Variants in BICD1 observed in about 807,000 individuals in gnomAD.
BICD1 encodes BICD cargo adaptor 1.
BICD1 carries 35 observed loss-of-function variants against 92.5 expected under a neutral mutation model. That is an observed-to-expected ratio of 0.38 (90% CI 0.29 to 0.50). BICD1 has a LOEUF of 0.50. Ranked by LOEUF, BICD1 falls within the 20% of genes least tolerant of loss-of-function variation. BICD1 has a pLI of 0.93. For missense variants in BICD1, 950 were observed against 1,189.8 expected, an observed-to-expected ratio of 0.80 and a Z score of 2.97; for synonymous variants, 429 against 465.1, an observed-to-expected ratio of 0.92 and a Z score of 1.00.
At chr12:32,201,783 T>A (rs562839106) in intron 1 of BICD1, among the ~76,000 whole-genome samples, 34 of 146,218 alleles carry the variant, frequency 2.3e-4, no homozygotes, top group Admixed American at 1.1e-3. Context: ...CGTGTTTGTT[T>A]AAAAAAAAAA....
chr12:32,178,659 A>G (rs759290540), intron 1 of BICD1, among the ~76,000 whole-genome samples: 20 of 152,054 alleles, frequency 1.3e-4, no homozygotes, highest in Non-Finnish European at 2.1e-4. Flanking sequence ...AGTTGGAGCC[A>G]CTGCTCCGGG....
At chr12:32,362,278 T>C (rs1362166776) in intron 8 of BICD1, among the ~76,000 whole-genome samples, 1 of 152,202 alleles carries the variant, frequency 6.6e-6, no homozygotes, top group East Asian at 1.9e-4. Context: ...GAGAATTGCT[T>C]GAACCCGCGA....
chr12:32,294,775 G>A (rs1022332153), intron 3 of BICD1, among the ~76,000 whole-genome samples: 1 of 151,778 alleles, frequency 6.6e-6, no homozygotes, highest in East Asian at 1.9e-4. Flanking sequence ...TATAAATCAA[G>A]AAGAGCAAAA....
chr12:32,117,758 A>ATATTT (rs1491222610), intron 1 of BICD1, among the ~76,000 whole-genome samples: 4 of 107,912 alleles, frequency 3.7e-5, no homozygotes, highest in Non-Finnish European at 7.6e-5. Flanking sequence ...ATATATATAT[A>ATATTT]TTTTTTTTTA....
intron 3 of BICD1, among the ~76,000 whole-genome samples, chr12:32,297,650 T>C (rs1947912938): frequency 6.6e-6 from 1 of 152,246 alleles, no homozygotes; most frequent in Admixed American, 6.5e-5. Flanking sequence ...CCTGGTTTGA[T>C]GTTTCTCTAA....
chr12:32,331,261 G>A (rs1937856316), intron 5 of BICD1, among the ~76,000 whole-genome samples: 1 of 152,136 alleles, frequency 6.6e-6, no homozygotes, highest in Non-Finnish European at 1.5e-5. Flanking sequence ...GCAGTAAGTA[G>A]GGATGCAAAA....
chr12:32,337,913 A>C lies in BICD1; in HGVS notation c.2570+97A>C, dbSNP rs1453808166. ...CTTGTTGTGGAGGATGGAGGAGGGG[A>C]AGCAAAAGAAAAAATGGGAGCTGGC... On this transcript the variant is annotated intron_variant, in intron 7 of 9. Transcript: ENST00000652176. The surrounding 1 kb of genome is among the most constrained non-coding windows in gnomAD (Gnocchi z 4.7). 1 of 1,394,416 alleles carries C rather than the reference A, an allele frequency of 7.2e-7. No individual in the cohort carries two copies. The highest frequency in any genetic ancestry group is 1.9e-5 in the Admixed American group (1 of 51,362). 86.4% of individuals were successfully genotyped at this position (1,394,416 alleles called of 1,614,324 possible). A position where few individuals can be genotyped will look rare whatever the true frequency, so the allele number is the denominator to read the frequency against.
chr12:32,287,406 G>A (rs1044450264), intron 2 of BICD1, among the ~76,000 whole-genome samples: 4 of 151,958 alleles, frequency 2.6e-5, no homozygotes, highest in African/African-American at 9.7e-5. Flanking sequence ...TGTTAATAAA[G>A]AAGCACATGT....
intron 8 of BICD1, among the ~76,000 whole-genome samples, chr12:32,350,195 G>A (rs548400316): frequency 8.5e-5 from 13 of 152,142 alleles, no homozygotes; most frequent in African/African-American, 2.9e-4. Flanking sequence ...TTTAAATGAT[G>A]TAGTGAGCCA....
chr12:32,333,718 C>CG (rs1017882706), intron 5 of BICD1, among the ~76,000 whole-genome samples: 1 of 152,194 alleles, frequency 6.6e-6, no homozygotes, highest in African/African-American at 2.4e-5. Flanking sequence ...TAAGTATACA[C>CG]TGATTTTATG....
At chr12:32,220,987 T>C (rs1399639944) in intron 2 of BICD1, among the ~76,000 whole-genome samples, 7 of 148,836 alleles carry the variant, frequency 4.7e-5, no homozygotes, top group Admixed American at 2.1e-4. Flanking sequence ...CGTAAACTAT[T>C]GCAAGAACAA....
At chr12:32,334,391 T>A in intron 5 of BICD1, 125 bp from the exon 6 acceptor site, 8 of 1,057,072 alleles carry the variant, frequency 7.6e-6, no homozygotes, top group Non-Finnish European at 1.0e-5. Context: ...TATGTTTATA[T>A]AAAATGTAAC....
rs144388643 is a variant in BICD1 at position 32,337,072 on chromosome 12, C to T, written c.2253-427C>T. Among the ~76,000 whole-genome samples, 133 of 152,096 alleles carry T rather than the reference C, an allele frequency of 8.7e-4. No individual in the cohort carries two copies. Among genetic ancestry groups the T allele is most frequent in the African/African-American group, 3.0e-3 (123 of 41,498 alleles). On this transcript the variant is annotated intron_variant, in intron 6 of 9. Coordinates refer to ENST00000652176, the MANE Select transcript of BICD1 (RefSeq NM_001714.4). The surrounding 1 kb of genome is among the most constrained non-coding windows in gnomAD (Gnocchi z 4.7). ...CAGCCTGGCCAACATGGTGAAACCC[C>T]GTCTCTACTAAAAAAAATACAAAAA...
chr12:32,159,058 C>T (rs907262075), intron 1 of BICD1, among the ~76,000 whole-genome samples: 7 of 152,178 alleles, frequency 4.6e-5, no homozygotes, highest in East Asian at 1.9e-4. Flanking sequence ...CTCAGCCTCC[C>T]GAGTAGCTGG....
rs533776114 is a variant in BICD1 at position 32,379,426 on chromosome 12, T to C, written c.*1799T>C. 5.3e-5 allele frequency: 8 copies of C among 152,342 alleles called. No individual in the cohort carries two copies. The highest frequency in any genetic ancestry group is 1.9e-4 in the African/African-American group (8 of 41,584). The allele number at this position is 152,342 out of a possible 1,614,324, so 9.4% of individuals were successfully genotyped here. A position where few individuals can be genotyped will look rare whatever the true frequency, so the allele number is the denominator to read the frequency against. ...AACGTGGAGTAAAGAGTTGAAATCTTCACCAAAATAAGGGTTCAGGTTAAA... is the reference window on the plus strand; with the variant it reads ...AACGTGGAGTAAAGAGTTGAAATCTCCACCAAAATAAGGGTTCAGGTTAAA... On this transcript the variant is annotated 3_prime_UTR_variant, in exon 10 of 10. Transcript: ENST00000652176.
intron 1 of BICD1, among the ~76,000 whole-genome samples, chr12:32,157,268 A>G (rs954348428): frequency 6.6e-6 from 1 of 152,088 alleles, no homozygotes; most frequent in Admixed American, 6.6e-5. Flanking sequence ...TGTCAATTTG[A>G]ATTTAATTTT....
intron 1 of BICD1, among the ~76,000 whole-genome samples, chr12:32,176,727 AT>A (rs914280815): frequency 1.3e-5 from 2 of 152,082 alleles, no homozygotes; most frequent in Admixed American, 6.6e-5. Flanking sequence ...CATCAGTGTT[AT>A]TGTGTTTATC....
intron 1 of BICD1, among the ~76,000 whole-genome samples, chr12:32,159,997 A>G (rs1308111730): frequency 6.6e-6 from 1 of 152,198 alleles, no homozygotes; most frequent in Non-Finnish European, 1.5e-5. Flanking sequence ...CTCAGCAAAT[A>G]TTTAACTCTC....
rs1464862616 is a variant in BICD1, at chr12:32,382,824, A to G, written c.*5197A>G. 1.3e-5 allele frequency: 2 copies of G among 152,056 alleles called. No individual in the cohort carries two copies. Among genetic ancestry groups the G allele is most frequent in the Non-Finnish European group, 2.9e-5 (2 of 67,938 alleles). The allele number at this position is 152,056 out of a possible 1,614,324, so 9.4% of individuals were successfully genotyped here. On this transcript the variant is annotated 3_prime_UTR_variant, in exon 10 of 10. Coordinates refer to ENST00000652176, the MANE Select transcript of BICD1 (RefSeq NM_001714.4). ...ATGAGAGAACTATAAAGTAAGGGGA[A>G]ATATCATTTTATTTAAAAATAATTA... is the stretch of plus-strand genomic sequence containing the variant.
Sources: allele counts gnomAD v4.1 joint callset (sites outside exome capture counted in the v4.1 genomes callset), GRCh38; gene constraint gnomAD v4.1.1; non-coding constraint Gnocchi (gnomAD v3.1); transcripts MANE v1.5; gene names NCBI Gene and HGNC (gene_info 2026-07-23, HGNC 2026-07-21).